The following DAB1 variants were observed in gnomAD, a reference collection of about 807,000 sequenced individuals.
DAB1 encodes the protein disabled homolog 1.
DAB1 carries 15 observed loss-of-function variants against 64.6 expected under a neutral mutation model. The observed-to-expected ratio is 0.23, with a 90% CI of 0.16 to 0.36. DAB1 has a LOEUF of 0.36. Among genes scored for constraint, DAB1 ranks in the 10% least tolerant of loss-of-function variants. The pLI, the probability that DAB1 is intolerant of heterozygous loss-of-function variation, is 1.00. For synonymous variants in DAB1, 235 were observed against 251.9 expected, an observed-to-expected ratio of 0.93 and a Z score of 0.64; for missense variants, 596 against 706.7, an observed-to-expected ratio of 0.84 and a Z score of 1.78.
At chr1:57,093,270 G>C (rs1197987225) in intron 4 of DAB1, among the ~76,000 whole-genome samples, 1 of 152,146 alleles carries the variant, frequency 6.6e-6, no homozygotes, top group African/African-American at 2.4e-5. Context: ...CTTGTGGAGT[G>C]GAAAAAGGTC....
At chr1:58,031,405 T>C (rs1646968099) in intron 5 of DAB1, among the ~76,000 whole-genome samples, 1 of 152,198 alleles carries the variant, frequency 6.6e-6, no homozygotes, top group South Asian at 2.1e-4. Flanking sequence ...TAAGAAGATG[T>C]TTGGGCAGTA....
At chr1:58,286,881 C>A (rs1238212584) in intron 4 of DAB1, among the ~76,000 whole-genome samples, 5 of 152,116 alleles carry the variant, frequency 3.3e-5, no homozygotes, top group African/African-American at 1.2e-4. Context: ...ATGTTCACTG[C>A]AGCACTAATC....
At chr1:57,290,407 A>T (rs1672676730) in intron 2 of DAB1, among the ~76,000 whole-genome samples, 1 of 152,168 alleles carries the variant, frequency 6.6e-6, no homozygotes, top group African/African-American at 2.4e-5. Context: ...ACTGAATCTG[A>T]CACTTTGAGA....
intron 4 of DAB1, among the ~76,000 whole-genome samples, chr1:57,081,490 GA>G (rs1201030479): frequency 6.6e-6 from 1 of 152,176 alleles, no homozygotes; most frequent in African/African-American, 2.4e-5. Flanking sequence ...CTAAAAGTTA[GA>G]GTTTCAAGCT....
At chr1:57,280,775 C>A (rs1310962725) in intron 2 of DAB1, among the ~76,000 whole-genome samples, 1 of 152,130 alleles carries the variant, frequency 6.6e-6, no homozygotes, top group Non-Finnish European at 1.5e-5. Context: ...TTGAATGCCA[C>A]ATAATAAGAA....
At chr1:58,362,912 T>A (rs886913947) in intron 3 of DAB1, among the ~76,000 whole-genome samples, 1 of 152,158 alleles carries the variant, frequency 6.6e-6, no homozygotes, top group African/African-American at 2.4e-5. Context: ...ACAACAGAAA[T>A]TTATTTTCTT....
At chr1:58,308,869 C>T (rs571387867) in intron 4 of DAB1, among the ~76,000 whole-genome samples, 1 of 152,146 alleles carries the variant, frequency 6.6e-6, no homozygotes, top group Admixed American at 6.5e-5. Flanking sequence ...TCCCCATATT[C>T]CAAGGTCTAC....
chr1:58,363,280 T>C (rs1393199026), intron 3 of DAB1, among the ~76,000 whole-genome samples: 1 of 152,146 alleles, frequency 6.6e-6, no homozygotes, highest in African/African-American at 2.4e-5. Context: ...AAATTTCTTA[T>C]TTGTAAGTAA....
intron 4 of DAB1, among the ~76,000 whole-genome samples, chr1:57,074,485 G>A (rs904752366): frequency 3.9e-5 from 6 of 152,146 alleles, no homozygotes; most frequent in Non-Finnish European, 8.8e-5. Flanking sequence ...TGGATTTCAC[G>A]ATGGTCATCG....
chr1:58,117,013 G>A (rs1042283062), intron 5 of DAB1, among the ~76,000 whole-genome samples: 1 of 152,192 alleles, frequency 6.6e-6, no homozygotes, highest in Non-Finnish European at 1.5e-5. Flanking sequence ...AGCCCAAAAA[G>A]AGCAGTGTCA....
chr1:58,341,666 C>A (rs930440488), intron 4 of DAB1, among the ~76,000 whole-genome samples: 1 of 152,108 alleles, frequency 6.6e-6, no homozygotes, highest in Non-Finnish European at 1.5e-5. Context: ...AGGCCTTTAA[C>A]CACTCCTCAA....
intron 7 of DAB1, among the ~76,000 whole-genome samples, chr1:57,591,060 A>C (rs763921627): frequency 6.6e-6 from 1 of 152,150 alleles, no homozygotes. Context: ...ATGACTGTAA[A>C]ATAGGTAAGA....
chr1:57,846,315 G>C (rs1569837662), intron 1 of DAB1, among the ~76,000 whole-genome samples: 8 of 151,944 alleles, frequency 5.3e-5, no homozygotes. Context: ...AAAATTAGCT[G>C]AGCGTGGTGG....
chr1:57,435,120 C>T (rs1685650507), intron 7 of DAB1, among the ~76,000 whole-genome samples: 1 of 145,782 alleles, frequency 6.9e-6, no homozygotes, highest in South Asian at 2.2e-4. Flanking sequence ...ATGATCTCGG[C>T]TCACTGCAGC....
intron 2 of DAB1, among the ~76,000 whole-genome samples, chr1:57,230,184 T>G (rs1162034029): frequency 6.6e-6 from 1 of 152,206 alleles, no homozygotes; most frequent in African/African-American, 2.4e-5. Flanking sequence ...TGACTTCTTA[T>G]GCAAGCTAAC....
At chr1:58,119,870 G>A (rs1225392513) in intron 5 of DAB1, among the ~76,000 whole-genome samples, 1 of 152,112 alleles carries the variant, frequency 6.6e-6, no homozygotes, top group Non-Finnish European at 1.5e-5. Flanking sequence ...GTTCATTATC[G>A]TAGATGCGCT....
chr1:57,687,365 A>G (rs1292553519), intron 6 of DAB1, among the ~76,000 whole-genome samples: 1 of 152,072 alleles, frequency 6.6e-6, no homozygotes, highest in Non-Finnish European at 1.5e-5. Flanking sequence ...GGGAACAGCA[A>G]AACACTTCTG....
At chr1:57,593,271 G>C (rs1375401583) in intron 7 of DAB1, among the ~76,000 whole-genome samples, 1 of 152,130 alleles carries the variant, frequency 6.6e-6, no homozygotes, top group African/African-American at 2.4e-5. Context: ...TTGCCCTTTT[G>C]TGGCTGACTT....
intron 5 of DAB1, among the ~76,000 whole-genome samples, chr1:57,969,977 A>T (rs755555451): frequency 6.6e-6 from 1 of 152,158 alleles, no homozygotes; most frequent in African/African-American, 2.4e-5. Flanking sequence ...TAAAGCCTTT[A>T]TAAATGGAAT....
Sources: gnomAD v4.1 joint callset for allele counts (sites outside exome capture counted in the v4.1 genomes callset) on GRCh38, gnomAD v4.1.1 for gene constraint, MANE v1.5 for transcripts, NCBI Gene and HGNC (gene_info 2026-07-23, HGNC 2026-07-21) for gene names.